The following GALNTL6 variants were observed in gnomAD, a reference collection of about 807,000 sequenced individuals.
GALNTL6 encodes polypeptide N-acetylgalactosaminyltransferase-like 6.
Under a neutral mutation model 73.7 loss-of-function variants are expected in GALNTL6, and 46 were observed. The observed-to-expected ratio is 0.62, with a 90% CI of 0.49 to 0.80. GALNTL6 has a LOEUF of 0.80. Ranked by LOEUF, GALNTL6 falls within the 30% of genes least tolerant of loss-of-function variation. GALNTL6 has a pLI of 0.00. For synonymous variants in GALNTL6, 259 were observed against 263.7 expected, an observed-to-expected ratio of 0.98 and a Z score of 0.17; for missense variants, 604 against 755.0, an observed-to-expected ratio of 0.80 and a Z score of 2.34.
chr4:172,411,272 A>G (rs1343680914), intron 5 of GALNTL6, among the ~76,000 whole-genome samples: 1 of 152,092 alleles, frequency 6.6e-6, no homozygotes, highest in Non-Finnish European at 1.5e-5. Context: ...ATGGAAAATG[A>G]TACCTGCCTC....
At chr4:172,631,382 T>C (rs1366675165) in intron 5 of GALNTL6, among the ~76,000 whole-genome samples, 1 of 152,106 alleles carries the variant, frequency 6.6e-6, no homozygotes, top group Non-Finnish European at 1.5e-5. Flanking sequence ...TGAGCTCAGG[T>C]AGTCCACCTG....
At chr4:171,872,930 T>C (rs1268163048) in intron 2 of GALNTL6, among the ~76,000 whole-genome samples, 1 of 152,198 alleles carries the variant, frequency 6.6e-6, no homozygotes, top group Non-Finnish European at 1.5e-5. Context: ...ACATGGAGCT[T>C]ACATCCAGTA....
At chr4:172,034,994 A>G (rs1208986657) in intron 2 of GALNTL6, among the ~76,000 whole-genome samples, 2 of 152,148 alleles carry the variant, frequency 1.3e-5, no homozygotes, top group African/African-American at 4.8e-5. Flanking sequence ...TCTTAATGTT[A>G]TGGTGAAAAT....
intron 2 of GALNTL6, among the ~76,000 whole-genome samples, chr4:171,923,818 G>GTGTGTT (rs1553970597): frequency 1.3e-5 from 2 of 149,650 alleles, no homozygotes; most frequent in African/African-American, 5.0e-5. Context: ...GTGTGTGTGT[G>GTGTGTT]TGTGTGTGTT....
At chr4:172,676,006 T>A (rs1732284056) in intron 5 of GALNTL6, among the ~76,000 whole-genome samples, 1 of 152,158 alleles carries the variant, frequency 6.6e-6, no homozygotes, top group African/African-American at 2.4e-5. Flanking sequence ...TGGAAGAATT[T>A]TAGATGTTGC....
At chr4:172,494,988 A>G (rs1734022011) in intron 5 of GALNTL6, among the ~76,000 whole-genome samples, 1 of 152,170 alleles carries the variant, frequency 6.6e-6, no homozygotes, top group South Asian at 2.1e-4. Context: ...GTTAACCATC[A>G]TACACCCTCA....
intron 2 of GALNTL6, among the ~76,000 whole-genome samples, chr4:171,821,603 G>A (rs931586323): frequency 1.2e-4 from 18 of 149,318 alleles, no homozygotes; most frequent in African/African-American, 3.0e-4. Context: ...AGGATTAAAC[G>A]CTTAGCATCT....
intron 11 of GALNTL6, among the ~76,000 whole-genome samples, chr4:173,016,326 C>T (rs1752780866): frequency 2.0e-5 from 3 of 152,160 alleles, no homozygotes; most frequent in Non-Finnish European, 4.4e-5. Context: ...TATGGTAGAC[C>T]CACTGACAGC....
chr4:172,743,434 T>A (rs1736912532), intron 5 of GALNTL6, among the ~76,000 whole-genome samples: 4 of 152,080 alleles, frequency 2.6e-5, no homozygotes, highest in Non-Finnish European at 5.9e-5. Context: ...TGGGGGTAGA[T>A]GTTTAAGATG....
intron 5 of GALNTL6, among the ~76,000 whole-genome samples, chr4:172,563,082 A>T (rs1736433917): frequency 6.6e-6 from 1 of 152,212 alleles, no homozygotes; most frequent in Non-Finnish European, 1.5e-5. Context: ...TACCTGAATT[A>T]GGTTGCTCAA....
chr4:173,002,638 CA>C (rs934447401), intron 10 of GALNTL6, among the ~76,000 whole-genome samples: 1 of 148,462 alleles, frequency 6.7e-6, no homozygotes, highest in Non-Finnish European at 1.5e-5. Flanking sequence ...ACTAAAAATA[CA>C]AAAAAATTAG....
chr4:172,749,672 C>G (rs1332083667), intron 5 of GALNTL6, among the ~76,000 whole-genome samples: 2 of 151,810 alleles, frequency 1.3e-5, no homozygotes, highest in Non-Finnish European at 2.9e-5. Flanking sequence ...ATTAAATCTT[C>G]AATCATATTA....
intron 7 of GALNTL6, among the ~76,000 whole-genome samples, chr4:172,818,046 A>G (rs1449184821): frequency 6.6e-6 from 1 of 152,200 alleles, no homozygotes; most frequent in East Asian, 1.9e-4. Flanking sequence ...TTTCAGTTCT[A>G]TCACCATGTT....
At chr4:171,890,951 T>G (rs1403547606) in intron 2 of GALNTL6, among the ~76,000 whole-genome samples, 1 of 152,178 alleles carries the variant, frequency 6.6e-6, no homozygotes, top group Non-Finnish European at 1.5e-5. Context: ...TAACTTCATG[T>G]TGTCGTCATT....
intron 3 of GALNTL6, among the ~76,000 whole-genome samples, chr4:172,260,400 C>A (rs1157603006): frequency 6.6e-6 from 1 of 151,648 alleles, no homozygotes; most frequent in Non-Finnish European, 1.5e-5. Context: ...ATTTGATTCT[C>A]AGCTTGGTAG....
chr4:172,990,651 A>C (rs2126454679), intron 10 of GALNTL6, among the ~76,000 whole-genome samples: 1 of 152,294 alleles, frequency 6.6e-6, no homozygotes, highest in Middle Eastern at 3.4e-3. Flanking sequence ...CTTATAGCTG[A>C]TTATAAACTG....
At chr4:172,171,342 A>G (rs71607872) in intron 2 of GALNTL6, among the ~76,000 whole-genome samples, 287 of 152,302 alleles carry the variant, frequency 1.9e-3, no homozygotes, top group African/African-American at 6.2e-3. Flanking sequence ...TTTAGTGACT[A>G]TTGCAGGAAT....
At chr4:172,565,964 A>G (rs1736540550) in intron 5 of GALNTL6, among the ~76,000 whole-genome samples, 1 of 152,168 alleles carries the variant, frequency 6.6e-6, no homozygotes, top group East Asian at 1.9e-4. Flanking sequence ...ATTAATAATT[A>G]TATGAGGTTT....
intron 5 of GALNTL6, among the ~76,000 whole-genome samples, chr4:172,391,842 G>A (rs1297995474): frequency 6.6e-6 from 1 of 152,118 alleles, no homozygotes; most frequent in Non-Finnish European, 1.5e-5. Context: ...ATATGTAATG[G>A]TTTCAAGAAT....
Sources: gnomAD v4.1 joint callset for allele counts (sites outside exome capture counted in the v4.1 genomes callset) on GRCh38, gnomAD v4.1.1 for gene constraint, MANE v1.5 for transcripts, NCBI Gene and HGNC (gene_info 2026-07-23, HGNC 2026-07-21) for gene names.